Variants in COPG2 observed in about 807,000 individuals in gnomAD.
COPG2 encodes coat protein complex I subunit gamma 2.
In COPG2, 37 loss-of-function variants were observed where a neutral mutation model predicts 46.3. That is an observed-to-expected ratio of 0.80 (90% CI 0.61 to 1.05). COPG2 has a LOEUF of 1.05. COPG2 is among the 50% of genes least tolerant of loss of function. COPG2 has a pLI of 0.00. For synonymous variants in COPG2, 159 were observed against 129.7 expected, an observed-to-expected ratio of 1.23 and a Z score of -1.53; for missense variants, 427 against 387.8, an observed-to-expected ratio of 1.10 and a Z score of -0.85.
Position 130,515,703 on chromosome 7 carries a change from G to C in COPG2, c.2150-7044C>G, listed in dbSNP as rs990980392. 2.6e-5 allele frequency among the ~76,000 whole-genome samples: 4 copies of C among 152,096 alleles called. No individual in the cohort carries two copies. The East Asian group carries it at 7.7e-4, about 29-fold the overall frequency. ...CTGAAGAGACTTGAATGAAAGGAGA[G>C]GAGAGATGGAGAGAATGGAGGTGAT... On this transcript the variant is annotated intron_variant, in intron 20 of 23. Transcript: ENST00000425248.
intron 9 of COPG2, among the ~76,000 whole-genome samples, chr7:130,571,019 C>T (rs1056674575): frequency 1.3e-5 from 2 of 152,166 alleles, no homozygotes; most frequent in African/African-American, 2.4e-5. Context: ...GAAACTGGAT[C>T]CTCATCTCTC....
intron 5 of COPG2, among the ~76,000 whole-genome samples, chr7:130,644,001 G>C (rs563790982): frequency 6.6e-6 from 1 of 152,128 alleles, no homozygotes; most frequent in Non-Finnish European, 1.5e-5. Context: ...GCAGTGCAAA[G>C]ATCATTGGGA....
intron 4 of COPG2, among the ~76,000 whole-genome samples, 193 bp downstream of exon 4, chr7:130,662,774 G>A (rs1008589711): frequency 6.6e-6 from 1 of 152,108 alleles, no homozygotes; most frequent in Non-Finnish European, 1.5e-5. Flanking sequence ...TAGATCTGCA[G>A]GGAAAAGTTT....
intron 4 of COPG2, among the ~76,000 whole-genome samples, chr7:130,653,224 T>C (rs782518261): frequency 2.5e-4 from 38 of 152,316 alleles, no homozygotes; most frequent in Middle Eastern, 3.4e-3. Flanking sequence ...CTATGATAGC[T>C]TGAGTCCAAA....
chr7:130,516,102 T>C (rs1799675824), intron 20 of COPG2, among the ~76,000 whole-genome samples: 1 of 152,178 alleles, frequency 6.6e-6, no homozygotes, highest in African/African-American at 2.4e-5. Context: ...ATACTGAATA[T>C]AGTTTTTATA....
At chr7:130,614,611 C>A (rs1371933850) in intron 6 of COPG2, among the ~76,000 whole-genome samples, 6 of 152,150 alleles carry the variant, frequency 3.9e-5, no homozygotes, top group Non-Finnish European at 7.3e-5. Flanking sequence ...AAACACCTGA[C>A]TCAGACACAG....
chr7:130,558,803 T>G (rs1472784158), intron 12 of COPG2, among the ~76,000 whole-genome samples: 2 of 152,188 alleles, frequency 1.3e-5, no homozygotes, highest in Non-Finnish European at 2.9e-5. Flanking sequence ...ATTAAAGGTG[T>G]GAGCTACCAC....
chr7:130,583,102 G>C (rs1340696425), intron 9 of COPG2, among the ~76,000 whole-genome samples: 2 of 151,130 alleles, frequency 1.3e-5, no homozygotes, highest in African/African-American at 4.9e-5. Flanking sequence ...CAACCCAAAT[G>C]TCCAACAATG....
intron 20 of COPG2, among the ~76,000 whole-genome samples, chr7:130,513,998 C>T (rs947144919): frequency 1.3e-5 from 2 of 152,066 alleles, no homozygotes; most frequent in Non-Finnish European, 2.9e-5. Flanking sequence ...AGTAGGTAAG[C>T]GTAGGTGGAG....
At chr7:130,644,625 G>A (rs1795556737) in intron 5 of COPG2, among the ~76,000 whole-genome samples, 1 of 152,152 alleles carries the variant, frequency 6.6e-6, no homozygotes, top group Non-Finnish European at 1.5e-5. Context: ...CTTCCATACT[G>A]AACAGGCCTG....
At chr7:130,630,918 C>G (rs931462982) in intron 5 of COPG2, among the ~76,000 whole-genome samples, 1 of 152,132 alleles carries the variant, frequency 6.6e-6, no homozygotes, top group African/African-American at 2.4e-5. Flanking sequence ...TGGCTAATGC[C>G]TGTAGTTCCA....
At chr7:130,536,493 A>G (rs2116365471) in intron 20 of COPG2, among the ~76,000 whole-genome samples, 1 of 152,232 alleles carries the variant, frequency 6.6e-6, no homozygotes, top group South Asian at 2.1e-4. Flanking sequence ...CAATCTCTAA[A>G]AGGAACACAG....
chr7:130,643,585 G>C (rs1554457646), intron 5 of COPG2, among the ~76,000 whole-genome samples: 1 of 152,144 alleles, frequency 6.6e-6, no homozygotes, highest in African/African-American at 2.4e-5. Flanking sequence ...GGCCAAGCTT[G>C]TAAATTAAGC....
At chr7:130,640,002 G>T (rs895993737) in intron 5 of COPG2, among the ~76,000 whole-genome samples, 1 of 151,958 alleles carries the variant, frequency 6.6e-6, no homozygotes, top group Admixed American at 6.6e-5. Flanking sequence ...GGTTTCTTCC[G>T]AGGGTTTTAA....
chr7:130,611,435 T>C (rs1794847933), intron 8 of COPG2, among the ~76,000 whole-genome samples: 1 of 152,174 alleles, frequency 6.6e-6, no homozygotes, highest in Non-Finnish European at 1.5e-5. Flanking sequence ...TGGTGCTATC[T>C]GTCTCTACGA....
At chr7:130,553,702 T>C (rs1217994462) in intron 14 of COPG2, among the ~76,000 whole-genome samples, 3 of 152,174 alleles carry the variant, frequency 2.0e-5, no homozygotes, top group Admixed American at 6.5e-5. Context: ...AAGAGGAATG[T>C]AGATGTTGAG....
intron 5 of COPG2, among the ~76,000 whole-genome samples, chr7:130,648,289 G>T (rs895525643): frequency 4.6e-5 from 7 of 152,122 alleles, no homozygotes; most frequent in African/African-American, 1.7e-4. Context: ...CAGTTCTGTA[G>T]ATTAGAAGTC....
chr7:130,513,359 G>GTGTA (rs1282542780), intron 20 of COPG2, among the ~76,000 whole-genome samples: 1,157 of 35,988 alleles, frequency 0.032, 25 homozygotes, highest in Middle Eastern at 0.062. Context: ...GTGTGTGTGT[G>GTGTA]TATATATATA....
At chr7:130,649,020 A>T (rs1554458745) in intron 5 of COPG2, among the ~76,000 whole-genome samples, 1 of 152,062 alleles carries the variant, frequency 6.6e-6, no homozygotes, top group Non-Finnish European at 1.5e-5. Context: ...ATTCTCAAAA[A>T]CCTTGTGGGT....
Sources: gnomAD v4.1 joint callset for allele counts (sites outside exome capture counted in the v4.1 genomes callset) on GRCh38, gnomAD v4.1.1 for gene constraint, MANE v1.5 for transcripts, NCBI Gene and HGNC (gene_info 2026-07-23, HGNC 2026-07-21) for gene names.